The following NCF4 variants were observed in gnomAD, a reference collection of about 807,000 sequenced individuals.
The protein encoded by NCF4 is neutrophil cytosol factor 4.
Under a neutral mutation model 41.7 loss-of-function variants are expected in NCF4, and 30 were observed. That is an observed-to-expected ratio of 0.72 (90% CI 0.54 to 0.97). The LOEUF is 0.97. Ranked by LOEUF, NCF4 falls within the 50% of genes least tolerant of loss-of-function variation. The pLI, the probability that NCF4 is intolerant of heterozygous loss-of-function variation, is 0.00. For synonymous variants in NCF4, 195 were observed against 175.8 expected (o/e 1.11, Z -0.87); for missense variants, 432 against 460.9 (o/e 0.94, Z 0.57).
rs1158060405 is a variant in NCF4 at position 36,865,468 on chromosome 22, C to T, written c.271+396C>T. Reference sequence around the variant, plus strand: ...CCTCAGCTTCCTCCCACGAGACCAGCCCTCTGACTTCATGGTCTTGGCTTC... The same window carrying T: ...CCTCAGCTTCCTCCCACGAGACCAGTCCTCTGACTTCATGGTCTTGGCTTC... On this transcript the variant is annotated intron_variant, in intron 3 of 9. Transcript: ENST00000248899. The surrounding 1 kb of genome is among the most constrained non-coding windows in gnomAD (Gnocchi z 4.3). 4.6e-5 allele frequency among the ~76,000 whole-genome samples: 7 copies of T among 152,288 alleles called. 1 individual carries two copies. The South Asian group carries it at 8.3e-4, about 18-fold the overall frequency.
chr22:36,877,526 T>A, intron 9 of NCF4, 102 bp from the exon 10 acceptor site: 1 of 1,261,200 alleles, frequency 7.9e-7, no homozygotes. Context: ...GCTCTGACTT[T>A]TTCTTACTCC....
At chr22:36,864,257 A>G in intron 2 of NCF4, 128 bp downstream of exon 2, 1 of 861,802 alleles carries the variant, frequency 1.2e-6, no homozygotes. Flanking sequence ...AGTGGTTCTC[A>G]ACAGGACCGA....
rs1439015935 is a variant in NCF4 at position 36,861,223 on chromosome 22, C to T, written c.32+20C>T. ...CGAGAGGTGAGTGCCGGGGTGTGGC[C>T]GCCCCCGGGCCTTCTCACTGCTCCT... On this transcript the variant is annotated intron_variant, in intron 1 of 9. Transcript: ENST00000248899. The T allele has an allele frequency of 1.4e-5, 22 of 1,551,258 alleles. No individual in the cohort carries two copies. In the East Asian group the frequency reaches 3.9e-4, roughly 28 times the overall value.
chr22:36,876,317 T>C (rs2145728025), intron 9 of NCF4, among the ~76,000 whole-genome samples: 1 of 152,278 alleles, frequency 6.6e-6, no homozygotes, highest in South Asian at 2.1e-4. Context: ...ACGCAGGTTG[T>C]GGGTTTAGAT....
intron 4 of NCF4, among the ~76,000 whole-genome samples, chr22:36,868,802 A>G (rs1040215846): frequency 6.6e-6 from 1 of 152,148 alleles, no homozygotes; most frequent in Non-Finnish European, 1.5e-5. Context: ...GGTTCCTGGA[A>G]GCCAGAGATC....
intron 5 of NCF4, 94 bp from the exon 6 acceptor site, chr22:36,871,558 C>T (rs961995649): frequency 5.7e-6 from 8 of 1,394,330 alleles, no homozygotes; most frequent in Non-Finnish European, 8.0e-6. Context: ...TCTGCCTTCC[C>T]TGCTCCTTGC....
chr22:36,862,353 C>T (rs1601544597), intron 1 of NCF4, among the ~76,000 whole-genome samples: 1 of 152,184 alleles, frequency 6.6e-6, no homozygotes, highest in Admixed American at 6.5e-5. Flanking sequence ...GTCCACGTGG[C>T]CTTCCTGAGC....
chr22:36,876,126 G>A (rs1458015007), intron 9 of NCF4, 32 bp downstream of exon 9: 2 of 1,567,396 alleles, frequency 1.3e-6, no homozygotes, highest in South Asian at 2.3e-5. Flanking sequence ...TGGGGAGTTA[G>A]ATACTCTGGA....
intron 9 of NCF4, among the ~76,000 whole-genome samples, chr22:36,877,340 T>C (rs1569117576): frequency 6.6e-6 from 1 of 152,132 alleles, no homozygotes; most frequent in Non-Finnish European, 1.5e-5. Context: ...TTTCACCATG[T>C]TGGCCAGGCT....
chr22:36,869,525 T>G (rs995086205), intron 4 of NCF4, among the ~76,000 whole-genome samples: 2 of 152,086 alleles, frequency 1.3e-5, no homozygotes, highest in East Asian at 3.9e-4. Flanking sequence ...TCGGACAAAG[T>G]TCCCCGACCC....
rs569311092 is a variant in NCF4 at position 36,874,079 on chromosome 22, A to C, written c.628-1574A>C. ...CTGGAAAGGGTAAAGGAGGTGGTAG[A>C]TGGCCAGGGCTCGCCCCAGAGCCTG... On this transcript the variant is annotated intron_variant, in intron 7 of 9. Transcript: ENST00000248899. Among the ~76,000 whole-genome samples, 644 of 152,326 alleles carry C rather than the reference A, an allele frequency of 4.2e-3. 4 individuals carry two copies. Among genetic ancestry groups the C allele is most frequent in the Non-Finnish European group, 6.4e-3 (437 of 68,034 alleles).
At position 36,865,898 on chromosome 22, in the gene NCF4, C is replaced by G. The variant is rs901320227; in HGVS notation, c.271+826C>G. The stretch of plus-strand genomic sequence containing the variant: ...TCCAGCCCCACCAAGGAACTTGAAG[C>G]TCCCCCTAGGAGTCTTGCCTACTCT... On this transcript the variant is annotated intron_variant, in intron 3 of 9. Transcript: ENST00000248899. The surrounding 1 kb of genome is among the most constrained non-coding windows in gnomAD (Gnocchi z 4.3). Among the ~76,000 whole-genome samples, 1 of 152,136 alleles carries G rather than the reference C, an allele frequency of 6.6e-6. No homozygotes were observed. Among genetic ancestry groups the G allele is most frequent in the Non-Finnish European group, 1.5e-5 (1 of 68,020 alleles).
intron 7 of NCF4, among the ~76,000 whole-genome samples, chr22:36,873,301 G>T (rs1297248199): frequency 1.3e-5 from 2 of 150,730 alleles, no homozygotes; most frequent in African/African-American, 2.4e-5. Context: ...GGATGAAGGT[G>T]AGGTTGGAAG....
intron 1 of NCF4, among the ~76,000 whole-genome samples, chr22:36,862,514 ACAGGGTT>A (rs1440709986): frequency 8.5e-5 from 13 of 152,100 alleles, no homozygotes; most frequent in Non-Finnish European, 1.9e-4. Context: ...TTTCTGGGGT[ACAGGGTT>A]CAGGGGATGA....
rs757112377 is a variant in NCF4 at position 36,871,678 on chromosome 22, G to T, written c.497G>T (p.Ser166Ile). The T allele has an allele frequency of 5.7e-6, 9 of 1,571,022 alleles. No homozygotes were observed. The East Asian group carries it at 2.1e-4, about 37-fold the overall frequency. Residue 166 changes from serine (S) to isoleucine (I), a missense_variant, in exon 6 of 10, where the codon AGC becomes ATC. Transcript: ENST00000248899. ...AAGAGCGTGTCCCCACAGGGCAACAGCGTTGACCGCATGGCAGCTCCGAGA... is the reference window on the plus strand; with the variant it reads ...AAGAGCGTGTCCCCACAGGGCAACATCGTTGACCGCATGGCAGCTCCGAGA... ...KVKSVSPQGN[S>I]VDRMAAPRAE... is the part of the protein sequence containing the mutation.
rs116924934 is a variant in NCF4, at chr22:36,865,576, C to T, written c.271+504C>T. Among the ~76,000 whole-genome samples, 8 of 152,208 alleles carry T rather than the reference C, an allele frequency of 5.3e-5. No individual in the cohort carries two copies. Among genetic ancestry groups the T allele is most frequent in the South Asian group, 4.1e-4 (2 of 4,822 alleles). ...AGCCTCTGCTTGCAAACAGTCTCCCCGCCCCCTGGCCTCCTGGTCCTTCCT... is the reference window on the plus strand; with the variant it reads ...AGCCTCTGCTTGCAAACAGTCTCCCTGCCCCCTGGCCTCCTGGTCCTTCCT... On this transcript the variant is annotated intron_variant, in intron 3 of 9. Coordinates refer to ENST00000248899, the MANE Select transcript of NCF4 (RefSeq NM_000631.5). This position sits in a 1 kb window ranked among gnomAD's most constrained non-coding sequence, Gnocchi z 4.3.
chr22:36,871,623 G>T, intron 5 of NCF4, 29 bp from the exon 6 acceptor site: 2 of 1,554,704 alleles, frequency 1.3e-6, no homozygotes, highest in South Asian at 1.2e-5. Context: ...GAATCACAGG[G>T]CTAACAAGCC....
At chr22:36,863,928 G>A in intron 1 of NCF4, 117 bp from the exon 2 acceptor site, 1 of 976,668 alleles carries the variant, frequency 1.0e-6, no homozygotes, top group Non-Finnish European at 1.7e-6. Flanking sequence ...AAGGGGTGCT[G>A]AGAGACGAAT....
intron 7 of NCF4, among the ~76,000 whole-genome samples, chr22:36,872,671 A>ATGAAGGTGAGAT (rs796413270): frequency 8.0e-5 from 2 of 24,920 alleles, no homozygotes. Flanking sequence ...GGAGGTGAGG[A>ATGAAGGTGAGAT]TGGAGGTGAG....
Sources: gnomAD v4.1 joint callset for allele counts (sites outside exome capture counted in the v4.1 genomes callset) on GRCh38, gnomAD v4.1.1 for gene constraint, Gnocchi (gnomAD v3.1) non-coding constraint, MANE v1.5 for transcripts, NCBI Gene and HGNC (gene_info 2026-07-23, HGNC 2026-07-21) for gene names.